Variants in TPM2 observed in about 807,000 individuals in gnomAD.
TPM2 encodes tropomyosin 2, also known as tropomyosin beta chain.
In TPM2, 26 loss-of-function variants were observed where a neutral mutation model predicts 41.0. The observed-to-expected ratio is 0.63, with a 90% CI of 0.46 to 0.88. The LOEUF (loss-of-function observed/expected upper bound fraction) is 0.88, where lower values mean the gene tolerates loss of function less well. TPM2 is among the 40% of genes least tolerant of loss of function. The pLI is 0.00. For synonymous variants in TPM2, 143 were observed against 139.3 expected (o/e 1.03, Z -0.19); for missense variants, 187 against 355.2 (o/e 0.53, Z 3.81).
downstream of TPM2, chr9:35,682,588 C>T (rs17259350): frequency 0.086 from 107,501 of 1,253,412 alleles, 4,997 homozygotes; most frequent in Non-Finnish European, 0.094. Context: ...CATTCCAGAC[C>T]TTTTGCAACC....
rs564977715 is a variant in TPM2 at position 35,689,737 on chromosome 9, G to T, written c.81C>A (p.Ala27=). The T allele has an allele frequency of 1.1e-5, 17 of 1,613,742 alleles. No homozygotes were observed. In the African/African-American group the frequency reaches 1.6e-4, roughly 15 times the overall value. Residue 27 remains alanine (A), a synonymous_variant, in exon 1 of 9, where the codon GCC becomes GCA. Coordinates refer to ENST00000645482, the MANE Select transcript of TPM2 (RefSeq NM_003289.4). ...AGCGGTCCTCAGCTTGCTTCTTGTC[G>T]GCTTCGGCCTGCTCGGCGCGGTCGA... The part of the protein sequence containing the change: ...NAIDRAEQAE[A]DKKQAEDRCK...
chr9:35,689,589 C>A, intron 1 of TPM2, 115 bp downstream of exon 1: 1 of 1,573,172 alleles, frequency 6.4e-7, no homozygotes, highest in Non-Finnish European at 8.6e-7. Flanking sequence ...GCCCAGCCCC[C>A]ACCCTGGGTG....
At chr9:35,682,400 C>T, downstream of TPM2, 1 of 1,178,408 alleles carries the variant, frequency 8.5e-7, no homozygotes, top group South Asian at 1.6e-5. Context: ...GTGGGGAGGG[C>T]TGAGTCATAA....
chr9:35,685,231 G>A lies in TPM2; in HGVS notation c.563+38C>T, dbSNP rs1477237636. On this transcript the variant is annotated intron_variant, in intron 5 of 8. Transcript: ENST00000645482. This position sits in a 1 kb window ranked among gnomAD's most constrained non-coding sequence, Gnocchi z 5.0. ...CTTCCCACTGTGTGGAAGGCCCCAG[G>A]GCCAATGGGCTCACTTGTCACCCCC... The A allele has an allele frequency of 5.0e-6, 8 of 1,614,044 alleles. No individual in the cohort carries two copies. The highest frequency in any genetic ancestry group is 6.8e-6 in the Non-Finnish European group (8 of 1,180,026).
downstream of TPM2, chr9:35,682,506 T>C (rs1412728050): frequency 7.9e-7 from 1 of 1,272,180 alleles, no homozygotes; most frequent in East Asian, 4.2e-5. Flanking sequence ...ACAGACAGAC[T>C]TGAGGTAGAA....
At chr9:35,686,647 A>AG (rs1200516964) in intron 2 of TPM2, among the ~76,000 whole-genome samples, 3 of 151,538 alleles carry the variant, frequency 2.0e-5, no homozygotes, top group Non-Finnish European at 4.4e-5. Flanking sequence ...AAAAAAAAAA[A>AG]AAAAAAAAAG....
Position 35,685,590 on chromosome 9 carries a change from A to G in TPM2, c.375-39T>C, listed in dbSNP as rs1200228889. Reference sequence around the variant, plus strand: ...AGAGGGTGAGCGTAGGGTCAGGACCAGCAGAGACAGGCTCCCTTCTCCCTC... The same window carrying G: ...AGAGGGTGAGCGTAGGGTCAGGACCGGCAGAGACAGGCTCCCTTCTCCCTC... On this transcript the variant is annotated intron_variant, in intron 3 of 8. Coordinates refer to ENST00000645482, the MANE Select transcript of TPM2 (RefSeq NM_003289.4). The surrounding 1 kb of genome is among the most constrained non-coding windows in gnomAD (Gnocchi z 5.0). 6.2e-7 allele frequency: 1 copy of G among 1,614,146 alleles called. No homozygotes were observed. The highest frequency in any genetic ancestry group is 8.5e-7 in the Non-Finnish European group (1 of 1,180,004).
rs112132798 is a variant in TPM2, at chr9:35,686,787, G to A, written c.241-1007C>T. On this transcript the variant is annotated intron_variant, in intron 2 of 8. Transcript: ENST00000645482. ...TCCCTGCCAAGGCCAGCAGAGAGCT[G>A]GGGGCAATGCAGGGGCAGTGTGAGG... Among the ~76,000 whole-genome samples the A allele has an allele frequency of 4.1e-3, 624 of 152,322 alleles. 6 individuals are homozygous for A. Among genetic ancestry groups the A allele is most frequent in the African/African-American group, 0.014 (579 of 41,570 alleles).
chr9:35,689,876 G>C lies in TPM2; in HGVS notation c.-59C>G. On this transcript the variant is annotated 5_prime_UTR_variant, in exon 1 of 9. Transcript: ENST00000645482. ...GTGAGGACCGGACGGACTGGGCTGG[G>C]TGAGCGGACTGGGTGCACCGGTGGC... 6.2e-7 allele frequency: 1 copy of C among 1,610,922 alleles called. No individual in the cohort carries two copies. Among genetic ancestry groups the C allele is most frequent in the Non-Finnish European group, 8.5e-7 (1 of 1,178,882 alleles).
chr9:35,688,789 C>T (rs1307791430), intron 2 of TPM2, among the ~76,000 whole-genome samples: 1 of 152,150 alleles, frequency 6.6e-6, no homozygotes. Context: ...CATCCCCAAA[C>T]GGCTGCAGTC....
At chr9:35,687,528 G>A (rs1824990293) in intron 2 of TPM2, among the ~76,000 whole-genome samples, 1 of 152,134 alleles carries the variant, frequency 6.6e-6, no homozygotes, top group African/African-American at 2.4e-5. Context: ...TGGTCGGACT[G>A]TAGGGCAGGA....
In TPM2 at chr9:35,685,123, C is replaced by G. The variant is rs1218484147; in HGVS notation, c.563+146G>C. 1 of 1,614,068 alleles carries G rather than the reference C, an allele frequency of 6.2e-7. No homozygotes were observed. Among genetic ancestry groups the G allele is most frequent in the East Asian group, 2.2e-5 (1 of 44,874 alleles). The stretch of plus-strand genomic sequence containing the variant: ...TGGTCCATGGTTCGAAGTTCCTCCT[C>G]CAGCTGTCTGGCTCGGCTGGGGGCA... On this transcript the variant is annotated intron_variant, in intron 5 of 8. Coordinates refer to ENST00000645482, the MANE Select transcript of TPM2 (RefSeq NM_003289.4). This position sits in a 1 kb window ranked among gnomAD's most constrained non-coding sequence, Gnocchi z 5.0.
chr9:35,684,468 A>T lies in TPM2; in HGVS notation c.702+20T>A. On this transcript the variant is annotated intron_variant, in intron 7 of 8. Transcript: ENST00000645482. The stretch of plus-strand genomic sequence containing the variant: ...TAGGGTGGCTTGAGGGGAGACTGGG[A>T]ACTGGAAGAGGACTCTCACCTCCTT... 1 of 1,614,110 alleles carries T rather than the reference A, an allele frequency of 6.2e-7. No homozygotes were observed. Among genetic ancestry groups the T allele is most frequent in the Non-Finnish European group, 8.5e-7 (1 of 1,180,000 alleles).
intron 2 of TPM2, among the ~76,000 whole-genome samples, chr9:35,687,589 G>A (rs1824995444): frequency 6.6e-6 from 1 of 151,956 alleles, no homozygotes; most frequent in Non-Finnish European, 1.5e-5. Context: ...TCCAGGTGCT[G>A]AAGGCACCTG....
intron 2 of TPM2, among the ~76,000 whole-genome samples, chr9:35,687,891 C>A (rs1383897632): frequency 6.6e-6 from 1 of 152,096 alleles, no homozygotes; most frequent in East Asian, 1.9e-4. Flanking sequence ...AACCACAGGA[C>A]AGGCACTACT....
At position 35,683,090 on chromosome 9, in the gene TPM2, C is replaced by T; in HGVS notation, c.*69G>A. ...GCAATTTCTGCTCCTCCTGCCTGCT[C>T]CCCTCCCCATAGAGAGAATGGAAAG... On this transcript the variant is annotated 3_prime_UTR_variant, in exon 9 of 9. Transcript: ENST00000645482. 1 of 1,551,712 alleles carries T rather than the reference C, an allele frequency of 6.4e-7. No individual in the cohort carries two copies. Among genetic ancestry groups the T allele is most frequent in the African/African-American group, 1.4e-5 (1 of 73,162 alleles).
chr9:35,689,844 GC>G lies in TPM2; in HGVS notation c.-28del, dbSNP rs1475582065. The G allele has an allele frequency of 5.0e-6, 8 of 1,612,904 alleles. No individual in the cohort carries two copies. The highest frequency in any genetic ancestry group is 6.8e-6 in the Non-Finnish European group (8 of 1,179,342). ...GCTGCGGTGGGGGGTGGGCCGGCCG[GC>G]AGGCGGTGAGGACCGGACGGACTGG... On this transcript the variant is annotated 5_prime_UTR_variant, in exon 1 of 9. Transcript: ENST00000645482.
chr9:35,689,524 G>C (rs565953772), intron 1 of TPM2, among the ~76,000 whole-genome samples, 180 bp downstream of exon 1: 1 of 152,356 alleles, frequency 6.6e-6, no homozygotes, highest in African/African-American at 2.4e-5. Flanking sequence ...GGCTTCCCCA[G>C]GCTATTGTAG....
intron 7 of TPM2, 27 bp downstream of exon 7, chr9:35,684,461 G>T (rs377484925): frequency 6.8e-6 from 11 of 1,614,056 alleles, no homozygotes; most frequent in Non-Finnish European, 7.6e-6. Context: ...CTTGAGGGGA[G>T]ACTGGGAACT....
Sources: allele counts gnomAD v4.1 joint callset (sites outside exome capture counted in the v4.1 genomes callset), GRCh38; gene constraint gnomAD v4.1.1; non-coding constraint Gnocchi (gnomAD v3.1); transcripts MANE v1.5; gene names NCBI Gene and HGNC (gene_info 2026-07-23, HGNC 2026-07-21).